The following BABAM2 variants were observed in gnomAD, a reference collection of about 807,000 sequenced individuals.
BABAM2 encodes the protein BRISC and BRCA1-A complex member 2.
Under a neutral mutation model 54.7 loss-of-function variants are expected in BABAM2, and 31 were observed. The ratio of observed to expected loss-of-function variants is 0.57; its 90% CI spans 0.43 to 0.77. The LOEUF (loss-of-function observed/expected upper bound fraction) is 0.77. Ranked by LOEUF, BABAM2 falls within the 30% of genes least tolerant of loss-of-function variation. The pLI, the probability that BABAM2 is intolerant of heterozygous loss-of-function variation, is 0.00. For missense variants in BABAM2, 364 were observed against 455.8 expected (o/e 0.80, Z 1.83); for synonymous variants, 167 against 162.9 (o/e 1.03, Z -0.19).
At chr2:27,902,516 T>C (rs1665865078) in intron 2 of BABAM2, among the ~76,000 whole-genome samples, 1 of 152,206 alleles carries the variant, frequency 6.6e-6, no homozygotes, top group Non-Finnish European at 1.5e-5. Context: ...CAGAAATGAG[T>C]TTCTACTATT....
intron 11 of BABAM2, among the ~76,000 whole-genome samples, chr2:28,331,069 G>A (rs1690912639): frequency 6.6e-6 from 1 of 152,116 alleles, no homozygotes; most frequent in African/African-American, 2.4e-5. Flanking sequence ...CAAGCAGTGG[G>A]GAAAGGATTC....
chr2:27,910,884 T>G (rs1468920020), intron 2 of BABAM2, among the ~76,000 whole-genome samples: 2 of 152,144 alleles, frequency 1.3e-5, no homozygotes, highest in Non-Finnish European at 2.9e-5. Flanking sequence ...CACCCAAATC[T>G]CTTCTTGAAT....
rs115545457 is a variant in BABAM2, at chr2:28,296,290, A to G, written c.935-2048A>G. ...CTGAATTGAATTATTGATTTTAATCAGTCTTTCGTATTGTTCCTCTATACT... is the reference window on the plus strand; with the variant it reads ...CTGAATTGAATTATTGATTTTAATCGGTCTTTCGTATTGTTCCTCTATACT... On this transcript the variant is annotated intron_variant, in intron 10 of 11. Transcript: ENST00000379624. Among the ~76,000 whole-genome samples the G allele has an allele frequency of 3.9e-3, 598 of 152,360 alleles. 6 individuals carry two copies. The highest frequency in any genetic ancestry group is 0.013 in the African/African-American group (554 of 41,588).
chr2:28,302,385 C>G (rs556361878), intron 11 of BABAM2, among the ~76,000 whole-genome samples: 1 of 150,500 alleles, frequency 6.6e-6, no homozygotes, highest in Admixed American at 6.6e-5. Flanking sequence ...CCACTGCACT[C>G]CAGCCTGGGT....
At chr2:28,081,156 C>A (rs1404221420) in intron 6 of BABAM2, among the ~76,000 whole-genome samples, 10 of 152,178 alleles carry the variant, frequency 6.6e-5, no homozygotes, top group Non-Finnish European at 1.0e-4. Context: ...GTGCAGCCAG[C>A]CACATAGATT....
intron 7 of BABAM2, among the ~76,000 whole-genome samples, chr2:28,210,368 C>T (rs1174971639): frequency 6.6e-6 from 1 of 152,172 alleles, no homozygotes; most frequent in East Asian, 1.9e-4. Context: ...TTATGCTACA[C>T]TACTGCAAGT....
intron 3 of BABAM2, among the ~76,000 whole-genome samples, chr2:27,949,260 C>T (rs781283884): frequency 2.6e-5 from 4 of 152,100 alleles, no homozygotes; most frequent in Admixed American, 6.6e-5. Context: ...TGGCTGGGAG[C>T]GGTGGCTTAC....
At chr2:28,240,910 T>C (rs1166258975) in intron 8 of BABAM2, among the ~76,000 whole-genome samples, 4 of 151,930 alleles carry the variant, frequency 2.6e-5, no homozygotes, top group African/African-American at 9.7e-5. Context: ...TTATTTTAAT[T>C]CTTTTGAATT....
At chr2:28,137,139 C>T (rs1670615266) in intron 7 of BABAM2, among the ~76,000 whole-genome samples, 1 of 151,972 alleles carries the variant, frequency 6.6e-6, no homozygotes, top group Non-Finnish European at 1.5e-5. Context: ...TATCAGTCTT[C>T]TCAAAAAAGA....
intron 6 of BABAM2, among the ~76,000 whole-genome samples, chr2:28,087,404 T>A (rs1265538052): frequency 6.6e-6 from 1 of 152,088 alleles, no homozygotes; most frequent in African/African-American, 2.4e-5. Context: ...GAGCTCTCAG[T>A]GAGTCCTAGG....
Position 28,203,352 on chromosome 2 carries a change from C to G in BABAM2, c.681-33850C>G, listed in dbSNP as rs545573980. Among the ~76,000 whole-genome samples, 5 of 152,280 alleles carry G rather than the reference C, an allele frequency of 3.3e-5. No individual in the cohort carries two copies. In the South Asian group the frequency reaches 8.3e-4, roughly 25 times the overall value. On this transcript the variant is annotated intron_variant, in intron 7 of 11. Transcript: ENST00000379624. Reference sequence around the variant, plus strand: ...ATTCCATTTAGCTACATATGTCAATCATGAATTTTTGGAAGACCCTCATGG... The same window carrying G: ...ATTCCATTTAGCTACATATGTCAATGATGAATTTTTGGAAGACCCTCATGG...
intron 11 of BABAM2, among the ~76,000 whole-genome samples, chr2:28,319,448 T>G (rs940796756): frequency 6.6e-6 from 1 of 152,258 alleles, no homozygotes; most frequent in Non-Finnish European, 1.5e-5. Flanking sequence ...GGGCAGAAGC[T>G]GCACTTCCAA....
upstream of BABAM2, chr2:27,890,441 G>C: frequency 8.1e-7 from 1 of 1,241,406 alleles, no homozygotes; most frequent in South Asian, 1.3e-5. This position sits in a 1 kb window ranked among gnomAD's most constrained non-coding sequence, Gnocchi z 4.8. Flanking sequence ...CTAACGACGC[G>C]GGCCTTTCAG....
intron 6 of BABAM2, among the ~76,000 whole-genome samples, chr2:28,079,701 G>T (rs1401013783): frequency 6.6e-6 from 1 of 152,132 alleles, no homozygotes; most frequent in African/African-American, 2.4e-5. Flanking sequence ...TGGATTTACA[G>T]TGCTTATTAA....
intron 5 of BABAM2, among the ~76,000 whole-genome samples, chr2:28,040,656 G>A (rs1677031761): frequency 6.6e-6 from 1 of 152,176 alleles, no homozygotes; most frequent in African/African-American, 2.4e-5. Context: ...TCAGAAACAA[G>A]TGCTGAGTTT....
intron 3 of BABAM2, among the ~76,000 whole-genome samples, chr2:27,942,083 G>A (rs903703833): frequency 1.4e-4 from 22 of 152,014 alleles, no homozygotes; most frequent in Non-Finnish European, 2.5e-4. Context: ...CCCCATCTCC[G>A]ATCTATTACA....
intron 3 of BABAM2, among the ~76,000 whole-genome samples, chr2:27,981,298 G>T (rs1277741633): frequency 2.0e-5 from 3 of 151,934 alleles, no homozygotes; most frequent in Non-Finnish European, 4.4e-5. Context: ...TTAAGATCAG[G>T]TTTTTTTAAA....
At chr2:27,946,920 G>A (rs889964331) in intron 3 of BABAM2, among the ~76,000 whole-genome samples, 3 of 152,116 alleles carry the variant, frequency 2.0e-5, no homozygotes, top group Admixed American at 6.6e-5. Flanking sequence ...TTTACTGCCT[G>A]TGTGACCTGT....
intron 10 of BABAM2, among the ~76,000 whole-genome samples, chr2:28,278,042 G>A (rs906959738): frequency 6.6e-6 from 1 of 152,198 alleles, no homozygotes; most frequent in Admixed American, 6.5e-5. Flanking sequence ...GTATTCGTGG[G>A]CTGATGCAAT....
Sources: allele counts gnomAD v4.1 joint callset (sites outside exome capture counted in the v4.1 genomes callset), GRCh38; gene constraint gnomAD v4.1.1; non-coding constraint Gnocchi (gnomAD v3.1); transcripts MANE v1.5; gene names NCBI Gene and HGNC (gene_info 2026-07-23, HGNC 2026-07-21).